Variants in KRIT1 observed in about 807,000 individuals in gnomAD.
KRIT1 encodes krev interaction trapped protein 1.
In KRIT1, 45 loss-of-function variants were observed where a neutral mutation model predicts 95.8. The ratio of observed to expected loss-of-function variants is 0.47; its 90% confidence interval spans 0.37 to 0.60. KRIT1 has a LOEUF of 0.60. Ranked by LOEUF, KRIT1 falls within the 20% of genes least tolerant of loss-of-function variation. The pLI is 0.00. For synonymous variants in KRIT1, 282 were observed against 278.8 expected, an observed-to-expected ratio of 1.01 and a Z score of -0.11; for missense variants, 788 against 877.5, an observed-to-expected ratio of 0.90 and a Z score of 1.29.
chr7:92,200,944 G>T (rs942358984), intron 18 of KRIT1, 140 bp from the exon 19 acceptor site: 1 of 695,132 alleles, frequency 1.4e-6, no homozygotes, highest in African/African-American at 1.8e-5. Context: ...GAGTATAGAG[G>T]GGGATATTTA....
At chr7:92,224,643 A>G (rs923278186) in intron 12 of KRIT1, among the ~76,000 whole-genome samples, 1 of 152,132 alleles carries the variant, frequency 6.6e-6, no homozygotes, top group African/African-American at 2.4e-5. Context: ...TTTTCGATTT[A>G]TGAGTTTATT....
At chr7:92,223,020 T>C (rs752922693) in intron 12 of KRIT1, 42 bp from the exon 13 acceptor site, 8 of 1,266,058 alleles carry the variant, frequency 6.3e-6, no homozygotes, top group South Asian at 4.8e-5. Flanking sequence ...TAAAAAATTA[T>C]ACATCACAAT....
rs145901266 is a variant in KRIT1, at chr7:92,241,087, C to T, written c.168G>A (p.Thr56=). 1.4e-5 allele frequency: 23 copies of T among 1,610,902 alleles called. No individual in the cohort carries two copies. The highest frequency in any genetic ancestry group is 1.6e-4 in the Middle Eastern group (1 of 6,076). The stretch of plus-strand genomic sequence containing the variant: ...TTATTTCACTGTTGCCTTGAAGTTT[C>T]GTTTCCAATAAAACTTTCTTTCTCT... ...KKKRKKVLLE[T]KLQGNSEITQ... is the part of the protein sequence containing the mutation. The change falls in exon 5 of 19, where the codon ACG becomes ACA. Residue 56 remains threonine, a synonymous_variant. Transcript: ENST00000394505.
At chr7:92,204,786 C>G (rs1791020537) in intron 17 of KRIT1, among the ~76,000 whole-genome samples, 1 of 152,000 alleles carries the variant, frequency 6.6e-6, no homozygotes, top group South Asian at 2.1e-4. Flanking sequence ...TGCTGTGCGG[C>G]CCGGTTCCTT....
intron 9 of KRIT1, 85 bp downstream of exon 9, chr7:92,234,723 A>T (rs947843970): frequency 9.1e-7 from 1 of 1,099,976 alleles, no homozygotes; most frequent in African/African-American, 1.5e-5. Flanking sequence ...CAATGCATAC[A>T]AATTGCATAT....
Position 92,213,886 on chromosome 7 carries a change from G to A in KRIT1, c.1818+6C>T. The A allele has an allele frequency of 1.3e-6, 2 of 1,539,438 alleles. No homozygotes were observed. The highest frequency in any genetic ancestry group is 1.8e-6 in the Non-Finnish European group (2 of 1,112,308). ...AATGTCTTTTCATTTCTATTAAACA[G>A]CTTACCTTGTATTCATGAAGTATGC... On this transcript the variant is annotated splice_donor_region_variant and intron_variant, in intron 16 of 18. Transcript: ENST00000394505.
Position 92,213,409 on chromosome 7 carries a change from C to T in KRIT1, c.1819-8G>A. 4 of 1,570,346 alleles carry T rather than the reference C, an allele frequency of 2.5e-6. No homozygotes were observed. Among genetic ancestry groups the T allele is most frequent in the Non-Finnish European group, 3.5e-6 (4 of 1,141,232 alleles). On this transcript the variant is annotated splice_polypyrimidine_tract_variant and splice_region_variant and intron_variant, in intron 16 of 18. Transcript: ENST00000394505. Reference sequence around the variant, plus strand: ...TTCACTTGTACTGAGATTCTAAAAACAAACAAGGTAAATTAAAAATAAAAG... The same window carrying T: ...TTCACTTGTACTGAGATTCTAAAAATAAACAAGGTAAATTAAAAATAAAAG...
chr7:92,230,740 C>G (rs1221347975), intron 10 of KRIT1, among the ~76,000 whole-genome samples: 1 of 151,978 alleles, frequency 6.6e-6, no homozygotes, highest in Non-Finnish European at 1.5e-5. Context: ...TGTGTATACC[C>G]TATGATACAG....
chr7:92,218,172 C>G (rs1386208818), intron 14 of KRIT1, among the ~76,000 whole-genome samples: 1 of 152,144 alleles, frequency 6.6e-6, no homozygotes, highest in Non-Finnish European at 1.5e-5. Context: ...CTGTCTCACT[C>G]TCCTGAGTAG....
At chr7:92,239,293 T>C (rs939622806) in intron 5 of KRIT1, among the ~76,000 whole-genome samples, 1 of 152,198 alleles carries the variant, frequency 6.6e-6, no homozygotes, top group Admixed American at 6.5e-5. Context: ...CATATCCCTC[T>C]GGGTAAATGG....
At chr7:92,233,245 TAAATC>T (rs1343318247) in intron 10 of KRIT1, among the ~76,000 whole-genome samples, 1 of 151,716 alleles carries the variant, frequency 6.6e-6, no homozygotes, top group African/African-American at 2.4e-5. Context: ...TAAAATCAGA[TAAATC>T]AAAAGAATTT....
intron 6 of KRIT1, among the ~76,000 whole-genome samples, chr7:92,237,272 T>C (rs1386152338): frequency 2.6e-5 from 4 of 152,192 alleles, no homozygotes; most frequent in African/African-American, 7.2e-5. Flanking sequence ...ATTAGAACTA[T>C]TATTGATTCT....
Position 92,236,545 on chromosome 7 carries a change from GA to G in KRIT1, c.356-4del. The G allele has an allele frequency of 1.3e-6, 2 of 1,516,518 alleles. No individual in the cohort carries two copies. Among genetic ancestry groups the G allele is most frequent in the Non-Finnish European group, 1.8e-6 (2 of 1,092,892 alleles). The allele number at this position is 1,516,518 out of a possible 1,614,324, so 93.9% of individuals were successfully genotyped here. A position where few individuals can be genotyped will look rare whatever the true frequency, so the allele number is the denominator to read the frequency against. ...GGTATATGTGTATTTAGTATTATCTGAAAAAGAAAAATGAAGAATTATGCTA... is the reference window on the plus strand; with the variant it reads ...GGTATATGTGTATTTAGTATTATCTGAAAAGAAAAATGAAGAATTATGCTA... On this transcript the variant is annotated splice_region_variant and splice_polypyrimidine_tract_variant and intron_variant, in intron 6 of 18. Coordinates refer to ENST00000394505, the MANE Select transcript of KRIT1 (RefSeq NM_194454.3).
At position 92,236,434 on chromosome 7, in the gene KRIT1, C is replaced by T; in HGVS notation, c.464G>A (p.Arg155Lys). 1 of 1,603,734 alleles carries T rather than the reference C, an allele frequency of 6.2e-7. No individual in the cohort carries two copies. Among genetic ancestry groups the T allele is most frequent in the Non-Finnish European group, 8.5e-7 (1 of 1,171,080 alleles). ...SSTHFATLTA[R>K]MLIALDKWLD... ...TTACTTATCCAAGGCTATTAACATC[C>T]TTGCTGTAAGTGTAGCAAAATGAGT... is the stretch of plus-strand genomic sequence containing the variant. Residue 155 changes from arginine to lysine, a missense_variant, in exon 7 of 19, where the codon AGG (arginine) becomes AAG (lysine). Physicochemically the swap from Arg to Lys is conservative, Grantham distance 26. This residue lies in a region of KRIT1 where 289 missense variants were observed against 277.5 expected (regional missense o/e 1.04). Coordinates refer to ENST00000394505, the MANE Select transcript of KRIT1 (RefSeq NM_194454.3).
At chr7:92,229,599 A>C (rs1240377613) in intron 10 of KRIT1, among the ~76,000 whole-genome samples, 1 of 152,158 alleles carries the variant, frequency 6.6e-6, no homozygotes, top group African/African-American at 2.4e-5. Flanking sequence ...ATTCTTTGCT[A>C]TTCTTAAGAC....
chr7:92,230,132 C>T (rs1409219988), intron 10 of KRIT1, among the ~76,000 whole-genome samples: 1 of 152,040 alleles, frequency 6.6e-6, no homozygotes, highest in African/African-American at 2.4e-5. Flanking sequence ...TCCCAGCTAC[C>T]TTCTTATATA....
At chr7:92,215,948 G>A (rs966869668) in intron 14 of KRIT1, among the ~76,000 whole-genome samples, 11 of 151,708 alleles carry the variant, frequency 7.3e-5, no homozygotes, top group Admixed American at 4.6e-4. Context: ...TGATTTTTGC[G>A]GCCAGGCACG....
chr7:92,201,259 A>G (rs1418050783), intron 18 of KRIT1, 48 bp downstream of exon 18: 1 of 883,648 alleles, frequency 1.1e-6, no homozygotes, highest in East Asian at 2.4e-5. Flanking sequence ...AAAAGAAGTA[A>G]CTTTACTAAC....
At chr7:92,215,160 G>A (rs532657160) in intron 14 of KRIT1, among the ~76,000 whole-genome samples, 2 of 152,046 alleles carry the variant, frequency 1.3e-5, no homozygotes, top group African/African-American at 4.8e-5. Flanking sequence ...CATCTTGTGA[G>A]GTATACAAAA....
Sources: allele counts gnomAD v4.1 joint callset (sites outside exome capture counted in the v4.1 genomes callset), GRCh38; gene constraint gnomAD v4.1.1; regional missense constraint gnomAD v4.1.1; transcripts MANE v1.5; gene names NCBI Gene and HGNC (gene_info 2026-07-23, HGNC 2026-07-21).